NTNG1: variants seen among roughly 807,000 people sequenced by gnomAD.
NTNG1 encodes the protein netrin G1, also known as netrin-G1.
A neutral mutation model predicts 54.0 loss-of-function variants in NTNG1; 16 were observed. That is an observed-to-expected ratio of 0.30 (90% CI 0.20 to 0.45). The LOEUF (loss-of-function observed/expected upper bound fraction) is 0.45, where lower values mean the gene tolerates loss of function less well. Ranked by LOEUF, NTNG1 falls within the 20% of genes least tolerant of loss-of-function variation. The pLI, the probability that NTNG1 is intolerant of heterozygous loss-of-function variation, is 1.00. For synonymous variants in NTNG1, 255 were observed against 263.1 expected, an observed-to-expected ratio of 0.97 and a Z score of 0.30; for missense variants, 530 against 678.7, an observed-to-expected ratio of 0.78 and a Z score of 2.43.
At chr1:107,241,613 C>T (rs1305349321) in intron 2 of NTNG1, among the ~76,000 whole-genome samples, 1 of 152,156 alleles carries the variant, frequency 6.6e-6, no homozygotes, top group African/African-American at 2.4e-5. Context: ...CAGGACAAAG[C>T]ATCAGTGACC....
chr1:107,379,310 G>A (rs149250824), intron 3 of NTNG1, among the ~76,000 whole-genome samples: 13 of 152,226 alleles, frequency 8.5e-5, no homozygotes, highest in East Asian at 1.9e-4. Flanking sequence ...TCATCTCTAC[G>A]GAATTGTAAA....
intron 7 of NTNG1, among the ~76,000 whole-genome samples, chr1:107,468,356 A>T (rs1028433197): frequency 6.6e-6 from 1 of 151,192 alleles, no homozygotes; most frequent in African/African-American, 2.5e-5. Flanking sequence ...TCTGCCTTTT[A>T]AAAAAACGCG....
chr1:107,474,167 T>C (rs1026162742), intron 7 of NTNG1, among the ~76,000 whole-genome samples: 11 of 152,192 alleles, frequency 7.2e-5, no homozygotes, highest in African/African-American at 2.7e-4. Context: ...TCAAGTGTTG[T>C]ATAAGGATTT....
intron 2 of NTNG1, among the ~76,000 whole-genome samples, chr1:107,245,797 A>G (rs558198383): frequency 1.1e-4 from 16 of 152,304 alleles, no homozygotes; most frequent in African/African-American, 3.8e-4. Flanking sequence ...AGGTGTTAAT[A>G]CTAAGTCACT....
rs375429473 is a variant in NTNG1, at chr1:107,458,258, C to T, written c.1390+21459C>T. On this transcript the variant is annotated intron_variant, in intron 7 of 7. Coordinates refer to ENST00000370068, the MANE Select transcript of NTNG1 (RefSeq NM_001113226.3). ...CTTCTAAAATTAGGAACTGCCAATC[C>T]GGGGGAAGCAAAAGAACTCTATATC... 3.8e-4 allele frequency among the ~76,000 whole-genome samples: 58 copies of T among 152,144 alleles called. No homozygotes were observed. The Middle Eastern group carries it at 0.014, about 36-fold the overall frequency.
At chr1:107,140,199 GGTA>G (rs1315601407), upstream of NTNG1, 1 of 152,780 alleles carries the variant, frequency 6.5e-6, no homozygotes, top group East Asian at 1.9e-4. Context: ...CAGGTCTCGA[GGTA>G]GTATAAGGTT....
intron 2 of NTNG1, among the ~76,000 whole-genome samples, chr1:107,265,034 A>G (rs1663639684): frequency 6.6e-6 from 1 of 152,224 alleles, no homozygotes; most frequent in African/African-American, 2.4e-5. Flanking sequence ...GCAGACACTA[A>G]CAAGTATTTA....
At chr1:107,250,381 A>G (rs1005956875) in intron 2 of NTNG1, among the ~76,000 whole-genome samples, 2 of 152,100 alleles carry the variant, frequency 1.3e-5, no homozygotes, top group Non-Finnish European at 2.9e-5. Context: ...GGGAAACACT[A>G]TGAAACCCTG....
At chr1:107,400,903 G>T (rs546050244) in intron 4 of NTNG1, among the ~76,000 whole-genome samples, 17 of 152,322 alleles carry the variant, frequency 1.1e-4, no homozygotes, top group African/African-American at 3.8e-4. Context: ...ACCTGCCTCA[G>T]CTTCCCAAAG....
intron 7 of NTNG1, among the ~76,000 whole-genome samples, chr1:107,444,638 T>A (rs1232615428): frequency 6.6e-6 from 1 of 152,150 alleles, no homozygotes; most frequent in Non-Finnish European, 1.5e-5. Flanking sequence ...CAATCCATGT[T>A]AATTTCCCCC....
intron 2 of NTNG1, among the ~76,000 whole-genome samples, chr1:107,196,464 A>G (rs939434297): frequency 6.6e-6 from 1 of 152,048 alleles, no homozygotes; most frequent in African/African-American, 2.4e-5. Flanking sequence ...CTGATTTTTA[A>G]ACATCTTATC....
At chr1:107,395,051 TCACTA>T in intron 3 of NTNG1, 98 bp from the exon 4 acceptor site, 5 of 846,554 alleles carry the variant, frequency 5.9e-6, no homozygotes, top group Non-Finnish European at 9.6e-6. Flanking sequence ...CCTCTGTGTA[TCACTA>T]AAGCACTGCA....
intron 3 of NTNG1, among the ~76,000 whole-genome samples, chr1:107,340,184 T>A (rs1668819438): frequency 6.6e-6 from 1 of 152,116 alleles, no homozygotes; most frequent in Non-Finnish European, 1.5e-5. Context: ...GTTGAAAATA[T>A]CTTATGCCTT....
chr1:107,190,724 C>T lies in NTNG1; in HGVS notation c.246+41885C>T, dbSNP rs536609219. ...AGTTTGCTGAGAATGATGGTTTCCA[C>T]CTTCATCCATGTCCCTACAAGGGAC... On this transcript the variant is annotated intron_variant, in intron 2 of 7. Coordinates refer to ENST00000370068, the MANE Select transcript of NTNG1 (RefSeq NM_001113226.3). Among the ~76,000 whole-genome samples the T allele has an allele frequency of 2.9e-3, 440 of 152,116 alleles. 2 individuals are homozygous for T. The highest frequency in any genetic ancestry group is 9.0e-3 in the African/African-American group (373 of 41,512).
chr1:107,366,451 C>G (rs940778448), intron 3 of NTNG1, among the ~76,000 whole-genome samples: 1 of 152,132 alleles, frequency 6.6e-6, no homozygotes, highest in Non-Finnish European at 1.5e-5. Flanking sequence ...TCTCCAGAGA[C>G]CTGGAAATTC....
At chr1:107,403,303 A>G (rs1227675333) in intron 4 of NTNG1, among the ~76,000 whole-genome samples, 1 of 152,178 alleles carries the variant, frequency 6.6e-6, no homozygotes, top group Non-Finnish European at 1.5e-5. Flanking sequence ...TGGTAGCATA[A>G]TAGCCCTTTA....
At chr1:107,405,295 G>A (rs539310384) in intron 4 of NTNG1, among the ~76,000 whole-genome samples, 62 of 152,188 alleles carry the variant, frequency 4.1e-4, no homozygotes, top group African/African-American at 1.5e-3. Context: ...TTATTCAAAT[G>A]AGCAGTTTAA....
At chr1:107,220,053 G>C (rs962455199) in intron 2 of NTNG1, among the ~76,000 whole-genome samples, 1 of 152,160 alleles carries the variant, frequency 6.6e-6, no homozygotes, top group Non-Finnish European at 1.5e-5. Flanking sequence ...CCATGGACAA[G>C]GCTTGCTGCC....
At chr1:107,346,172 C>G (rs1029581363) in intron 3 of NTNG1, among the ~76,000 whole-genome samples, 2 of 152,164 alleles carry the variant, frequency 1.3e-5, no homozygotes, top group African/African-American at 4.8e-5. Flanking sequence ...CTACAGCCAA[C>G]AAGAAATGAC....
Sources: gnomAD v4.1 joint callset for allele counts (sites outside exome capture counted in the v4.1 genomes callset) on GRCh38, gnomAD v4.1.1 for gene constraint, MANE v1.5 for transcripts, NCBI Gene and HGNC (gene_info 2026-07-23, HGNC 2026-07-21) for gene names.